DCHS2: variants seen among roughly 807,000 people sequenced by gnomAD.
DCHS2 encodes dachsous cadherin-related 2.
A neutral mutation model predicts 182.4 loss-of-function variants in DCHS2; 142 were observed. The ratio of observed to expected loss-of-function variants is 0.78; its 90% CI spans 0.68 to 0.89. DCHS2 has a LOEUF of 0.89. Among genes scored for constraint, DCHS2 ranks in the 40% least tolerant of loss-of-function variants. The probability of loss-of-function intolerance (pLI) is 0.00; values close to 1 mark genes in which losing one functional copy is unlikely to be tolerated. For synonymous variants in DCHS2, 1,740 were observed against 1,663.3 expected (o/e 1.05, Z -1.12); for missense variants, 4,319 against 4,198.6 (o/e 1.03, Z -0.79).
At chr4:154,362,216 AC>A (rs1174703311) in intron 3 of DCHS2, among the ~76,000 whole-genome samples, 1 of 152,232 alleles carries the variant, frequency 6.6e-6, no homozygotes, top group Non-Finnish European at 1.5e-5. Context: ...AAGGGAGGTA[AC>A]AAAAAGTAAA....
At chr4:154,305,053 A>G in intron 11 of DCHS2, 44 bp downstream of exon 11, 1 of 1,522,666 alleles carries the variant, frequency 6.6e-7, no homozygotes, top group East Asian at 2.5e-5. Flanking sequence ...TTTTAAATTT[A>G]ATTTTTAATT....
chr4:154,305,083 A>G lies in DCHS2; in HGVS notation c.5395+14T>C, dbSNP rs1306768556. The G allele has an allele frequency of 6.3e-7, 1 of 1,590,782 alleles. No individual in the cohort carries two copies. ...TTAATTTTTATTTTTTAGCCTACTC[A>G]AAGAATCCCTTACCTCGAAGGGTGA... On this transcript the variant is annotated intron_variant, in intron 11 of 19. Transcript: ENST00000357232.
chr4:154,363,824 A>G (rs903071249), intron 3 of DCHS2, among the ~76,000 whole-genome samples: 40 of 152,150 alleles, frequency 2.6e-4, no homozygotes, highest in African/African-American at 9.4e-4. Context: ...ATTATATACA[A>G]TGTGTTTTCA....
chr4:154,453,803 A>G (rs1231492530), intron 1 of DCHS2, among the ~76,000 whole-genome samples: 2 of 152,294 alleles, frequency 1.3e-5, no homozygotes, highest in Non-Finnish European at 2.9e-5. Context: ...TAATTCCATC[A>G]TGGAGGCTGA....
chr4:154,280,073 G>T (rs138354056), intron 13 of DCHS2, among the ~76,000 whole-genome samples: 3,389 of 151,780 alleles, frequency 0.022, 117 homozygotes, highest in African/African-American at 0.075. Context: ...AAATCCAAAG[G>T]GATCATAAGA....
rs117677231 is a variant in DCHS2 at position 154,459,453 on chromosome 4, C to G, written c.2052+29851G>C. On this transcript the variant is annotated intron_variant, in intron 1 of 19. Transcript: ENST00000357232. ...CAAAAATCAAAGTTTTTGCTCTTCT[C>G]TTCTCAATGAAAGGGAAAGCAAAGG... Among the ~76,000 whole-genome samples the G allele has an allele frequency of 3.5e-4, 53 of 152,212 alleles. No individual in the cohort carries two copies. The East Asian group carries it at 8.5e-3, about 24-fold the overall frequency.
intron 1 of DCHS2, among the ~76,000 whole-genome samples, chr4:154,384,915 T>TTTTATA (rs1209848701): frequency 1.4e-5 from 2 of 140,860 alleles, no homozygotes; most frequent in Non-Finnish European, 3.3e-5. Context: ...TGGAAATGTT[T>TTTTATA]TTTATTTTTA....
chr4:154,331,498 G>A (rs1736523003), intron 5 of DCHS2: 11 of 1,446,210 alleles, frequency 7.6e-6, no homozygotes, highest in South Asian at 1.4e-5. Context: ...AGTTTAGGGA[G>A]TGAATGAGAG....
intron 1 of DCHS2, among the ~76,000 whole-genome samples, chr4:154,387,046 G>T (rs1378330319): frequency 1.3e-5 from 2 of 152,072 alleles, no homozygotes; most frequent in Non-Finnish European, 2.9e-5. Flanking sequence ...TCTTTTAAAA[G>T]GTTTAACCTT....
intron 6 of DCHS2, 60 bp downstream of exon 6, chr4:154,329,463 T>C: frequency 6.7e-7 from 1 of 1,498,772 alleles, no homozygotes; most frequent in Non-Finnish European, 9.1e-7. Context: ...TACCACAAGA[T>C]GGTGCTCAAA....
At chr4:154,484,224 A>G (rs1032448472) in intron 1 of DCHS2, among the ~76,000 whole-genome samples, 3 of 152,154 alleles carry the variant, frequency 2.0e-5, no homozygotes, top group Non-Finnish European at 2.9e-5. Context: ...CTTCACTACC[A>G]TTCCCCTAAT....
chr4:154,411,456 G>A (rs1043838228), intron 1 of DCHS2, among the ~76,000 whole-genome samples: 1 of 152,054 alleles, frequency 6.6e-6, no homozygotes, highest in African/African-American at 2.4e-5. Context: ...AATTAGCCAG[G>A]TGTGGTGGCG....
intron 7 of DCHS2, 157 bp from the exon 8 acceptor site, chr4:154,322,645 T>C: frequency 9.3e-7 from 1 of 1,071,020 alleles, no homozygotes; most frequent in Non-Finnish European, 1.3e-6. Flanking sequence ...ACAAGAAACA[T>C]CACTTTTTAA....
chr4:154,401,972 C>A (rs1192116801), intron 1 of DCHS2, among the ~76,000 whole-genome samples: 1 of 152,144 alleles, frequency 6.6e-6, no homozygotes, highest in African/African-American at 2.4e-5. Context: ...CCAGCCTGGG[C>A]AACTGAAAAG....
intron 13 of DCHS2, among the ~76,000 whole-genome samples, chr4:154,293,618 C>T (rs1734773593): frequency 6.6e-6 from 1 of 152,196 alleles, no homozygotes; most frequent in Non-Finnish European, 1.5e-5. Flanking sequence ...CTTATCATCC[C>T]TCACTGCTGT....
chr4:154,300,066 G>T (rs1735135493), intron 12 of DCHS2, among the ~76,000 whole-genome samples: 1 of 152,190 alleles, frequency 6.6e-6, no homozygotes, highest in Admixed American at 6.5e-5. Context: ...TGGGGAGAGT[G>T]TTCTATGCAG....
chr4:154,352,076 TAC>T (rs1288802614), intron 3 of DCHS2, among the ~76,000 whole-genome samples: 3 of 151,732 alleles, frequency 2.0e-5, no homozygotes, highest in African/African-American at 7.3e-5. Context: ...CACACATACA[TAC>T]ACACACAGAG....
intron 1 of DCHS2, among the ~76,000 whole-genome samples, chr4:154,461,688 A>T (rs1183329746): frequency 6.6e-6 from 1 of 152,194 alleles, no homozygotes; most frequent in Non-Finnish European, 1.5e-5. Context: ...GTTTAAATCC[A>T]TGTATTGTAA....
chr4:154,294,778 G>A (rs951307848), intron 13 of DCHS2, among the ~76,000 whole-genome samples: 2 of 152,186 alleles, frequency 1.3e-5, no homozygotes, highest in East Asian at 3.8e-4. Context: ...AAGGAAATTG[G>A]TGAGTAATGG....
Sources: allele counts gnomAD v4.1 joint callset (sites outside exome capture counted in the v4.1 genomes callset), GRCh38; gene constraint gnomAD v4.1.1; transcripts MANE v1.5; gene names NCBI Gene and HGNC (gene_info 2026-07-23, HGNC 2026-07-21).